The following RALGPS1 variants were observed in gnomAD, a reference collection of about 807,000 sequenced individuals.
RALGPS1 encodes the protein Ral GEF with PH domain and SH3 binding motif 1.
In RALGPS1, 19 loss-of-function variants were observed where a neutral mutation model predicts 78.8. The observed-to-expected ratio is 0.24, with a 90% CI of 0.17 to 0.35. The LOEUF (loss-of-function observed/expected upper bound fraction) is 0.35, where lower values mean the gene tolerates loss of function less well. RALGPS1 is among the 10% of genes least tolerant of loss of function. The probability of loss-of-function intolerance (pLI) is 1.00; values close to 1 mark genes in which losing one functional copy is unlikely to be tolerated. For missense variants in RALGPS1, 454 were observed against 688.3 expected, an observed-to-expected ratio of 0.66 and a Z score of 3.81; for synonymous variants, 228 against 256.3, an observed-to-expected ratio of 0.89 and a Z score of 1.06.
intron 11 of RALGPS1, among the ~76,000 whole-genome samples, chr9:127,191,702 T>TG (rs1450745575): frequency 6.8e-6 from 1 of 146,540 alleles, no homozygotes; most frequent in Non-Finnish European, 1.5e-5. Flanking sequence ...TTTTTTTTGT[T>TG]TTTTTTTTTT....
chr9:127,062,426 A>G (rs1355173079), intron 7 of RALGPS1, among the ~76,000 whole-genome samples: 1 of 152,236 alleles, frequency 6.6e-6, no homozygotes, highest in Non-Finnish European at 1.5e-5. Context: ...AGATAAAATC[A>G]TGACTCATAC....
chr9:126,960,437 T>A (rs1442312843), intron 1 of RALGPS1, among the ~76,000 whole-genome samples: 1 of 151,854 alleles, frequency 6.6e-6, no homozygotes, highest in Non-Finnish European at 1.5e-5. Flanking sequence ...TTTCACCATG[T>A]TGGCCAGGCT....
At chr9:127,030,081 T>C (rs1461851147) in intron 4 of RALGPS1, among the ~76,000 whole-genome samples, 1 of 152,242 alleles carries the variant, frequency 6.6e-6, no homozygotes, top group African/African-American at 2.4e-5. Context: ...TTTTTTGTTG[T>C]TAACGTGTTT....
At chr9:127,188,571 C>T (rs1421898934) in intron 11 of RALGPS1, among the ~76,000 whole-genome samples, 1 of 152,118 alleles carries the variant, frequency 6.6e-6, no homozygotes, top group Admixed American at 6.6e-5. Context: ...GCTGGTTTAT[C>T]TAGGCAGCTG....
intron 4 of RALGPS1, among the ~76,000 whole-genome samples, chr9:127,015,261 G>T (rs2044708435): frequency 6.6e-6 from 1 of 152,160 alleles, no homozygotes; most frequent in Non-Finnish European, 1.5e-5. Flanking sequence ...TCACTTATTT[G>T]TTACATTGAC....
chr9:127,119,241 T>C (rs535423235), intron 8 of RALGPS1, among the ~76,000 whole-genome samples: 1 of 152,250 alleles, frequency 6.6e-6, no homozygotes, highest in East Asian at 1.9e-4. Flanking sequence ...AGAGTAACAG[T>C]CATGCCTATT....
At chr9:127,216,379 G>A (rs868611281) in intron 18 of RALGPS1, among the ~76,000 whole-genome samples, 2 of 152,160 alleles carry the variant, frequency 1.3e-5, no homozygotes, top group Non-Finnish European at 2.9e-5. Flanking sequence ...ATCTGACTTC[G>A]GGGAATTTGT....
At chr9:127,034,239 C>T (rs1175634332) in intron 4 of RALGPS1, among the ~76,000 whole-genome samples, 192 bp from the exon 5 acceptor site, 1 of 152,116 alleles carries the variant, frequency 6.6e-6, no homozygotes, top group Non-Finnish European at 1.5e-5. Flanking sequence ...TCCAGTTATC[C>T]TCATTTCTGG....
At chr9:127,141,167 C>T (rs751051577) in intron 8 of RALGPS1, among the ~76,000 whole-genome samples, 1 of 151,966 alleles carries the variant, frequency 6.6e-6, no homozygotes, top group Non-Finnish European at 1.5e-5. Context: ...CTTCTGAGAC[C>T]GATGCAAAGA....
intron 4 of RALGPS1, among the ~76,000 whole-genome samples, chr9:127,011,678 C>T (rs2044358101): frequency 6.6e-6 from 1 of 152,214 alleles, no homozygotes; most frequent in Non-Finnish European, 1.5e-5. Flanking sequence ...TTGACTCTCC[C>T]TCTCACCCTA....
intron 2 of RALGPS1, among the ~76,000 whole-genome samples, chr9:126,962,996 A>G (rs1421148641): frequency 6.6e-6 from 1 of 152,204 alleles, no homozygotes; most frequent in Admixed American, 6.5e-5. Flanking sequence ...ATCCTGGGTA[A>G]CCTGCCAAAA....
intron 4 of RALGPS1, among the ~76,000 whole-genome samples, chr9:127,021,187 AG>A (rs1424526521): frequency 1.3e-5 from 2 of 152,110 alleles, no homozygotes; most frequent in Admixed American, 6.5e-5. Flanking sequence ...CAGGAGTTTA[AG>A]GCCAGCCTAA....
At chr9:127,123,166 T>C (rs368400273) in intron 8 of RALGPS1, among the ~76,000 whole-genome samples, 11 of 152,212 alleles carry the variant, frequency 7.2e-5, no homozygotes, top group African/African-American at 1.9e-4. Context: ...CGTGGAGGCC[T>C]CATTCTCATC....
intron 8 of RALGPS1, among the ~76,000 whole-genome samples, chr9:127,080,699 C>T (rs990026767): frequency 5.3e-5 from 8 of 152,130 alleles, no homozygotes; most frequent in Middle Eastern, 3.2e-3. Flanking sequence ...CTAGCTGTGT[C>T]CCAACTGATA....
chr9:126,967,676 A>G (rs1195426360), intron 3 of RALGPS1, among the ~76,000 whole-genome samples: 1 of 151,766 alleles, frequency 6.6e-6, no homozygotes, highest in Non-Finnish European at 1.5e-5. Flanking sequence ...TGCTGGTGCT[A>G]CAGGTGCATA....
chr9:127,054,603 G>A (rs572718773), intron 7 of RALGPS1, among the ~76,000 whole-genome samples: 1 of 152,274 alleles, frequency 6.6e-6, no homozygotes, highest in South Asian at 2.1e-4. Context: ...GCAGTATCCA[G>A]GACCACTCTG....
In RALGPS1 at chr9:127,163,963, T is replaced by A. The variant is rs527805160; in HGVS notation, c.611-2106T>A. ...GTTTTGATATGTAGTATTCTCCTTG[T>A]CATTGTCTTCAAATAGATTCTTCAA... On this transcript the variant is annotated intron_variant, in intron 8 of 18. Coordinates refer to ENST00000259351, the MANE Select transcript of RALGPS1 (RefSeq NM_014636.3). 7.1e-4 allele frequency among the ~76,000 whole-genome samples: 108 copies of A among 152,350 alleles called. 1 individual carries two copies. The highest frequency in any genetic ancestry group is 2.1e-3 in the South Asian group (10 of 4,834).
At chr9:127,078,892 G>A (rs912481991) in intron 8 of RALGPS1, among the ~76,000 whole-genome samples, 3 of 152,140 alleles carry the variant, frequency 2.0e-5, no homozygotes, top group African/African-American at 4.8e-5. Context: ...CTATGTGATT[G>A]CACTGCATTA....
chr9:126,971,285 A>C (rs563712546), intron 3 of RALGPS1, among the ~76,000 whole-genome samples: 1 of 152,244 alleles, frequency 6.6e-6, no homozygotes, highest in South Asian at 2.1e-4. Flanking sequence ...TTTAAAAAAA[A>C]AAAAGATTTG....
Sources: gnomAD v4.1 joint callset for allele counts (sites outside exome capture counted in the v4.1 genomes callset) on GRCh38, gnomAD v4.1.1 for gene constraint, MANE v1.5 for transcripts, NCBI Gene and HGNC (gene_info 2026-07-23, HGNC 2026-07-21) for gene names.